Variants in DAB1 observed in about 807,000 individuals in gnomAD.
The protein encoded by DAB1 is disabled homolog 1.
DAB1 carries 15 observed loss-of-function variants against 64.6 expected under a neutral mutation model. The observed-to-expected ratio is 0.23, with a 90% CI of 0.16 to 0.36. DAB1 has a LOEUF of 0.36. DAB1 is among the 10% of genes least tolerant of loss of function. The pLI is 1.00. For synonymous variants in DAB1, 235 were observed against 251.9 expected, an observed-to-expected ratio of 0.93 and a Z score of 0.64; for missense variants, 596 against 706.7, an observed-to-expected ratio of 0.84 and a Z score of 1.78.
At chr1:57,035,183 C>T (rs949915552) in intron 9 of DAB1, among the ~76,000 whole-genome samples, 1 of 152,158 alleles carries the variant, frequency 6.6e-6, no homozygotes, top group Non-Finnish European at 1.5e-5. Context: ...GGTTATGTCG[C>T]TACATCCTTT....
chr1:57,669,880 C>T (rs1040574649), intron 6 of DAB1, among the ~76,000 whole-genome samples: 1 of 152,072 alleles, frequency 6.6e-6, no homozygotes, highest in African/African-American at 2.4e-5. Flanking sequence ...GAAGAATCTG[C>T]TGTTGAGTTA....
chr1:57,805,707 G>A (rs1651329945), intron 6 of DAB1, among the ~76,000 whole-genome samples: 2 of 152,038 alleles, frequency 1.3e-5, no homozygotes, highest in African/African-American at 4.8e-5. Flanking sequence ...CACTTAACAT[G>A]CCCATGACTG....
chr1:57,146,172 T>G (rs921613844), intron 2 of DAB1, among the ~76,000 whole-genome samples: 1 of 152,212 alleles, frequency 6.6e-6, no homozygotes, highest in African/African-American at 2.4e-5. Context: ...ATGCCAGATG[T>G]TCTGTAAACT....
intron 1 of DAB1, among the ~76,000 whole-genome samples, chr1:57,881,134 T>C (rs903236032): frequency 6.6e-6 from 1 of 152,174 alleles, no homozygotes; most frequent in Admixed American, 6.5e-5. Context: ...TAAATTAGAC[T>C]GTGCACATGA....
At chr1:57,514,384 G>C (rs1016117827) in intron 7 of DAB1, among the ~76,000 whole-genome samples, 7 of 152,296 alleles carry the variant, frequency 4.6e-5, no homozygotes, top group African/African-American at 1.7e-4. Context: ...ACAGGTGTGA[G>C]TTGATATCTC....
chr1:58,421,811 T>C (rs1009601592), intron 3 of DAB1, among the ~76,000 whole-genome samples: 4 of 152,178 alleles, frequency 2.6e-5, no homozygotes, highest in African/African-American at 9.7e-5. Flanking sequence ...GAGAGCGGTC[T>C]TCTCAGATTT....
intron 1 of DAB1, chr1:58,538,985 A>C (rs368172844): frequency 2.3e-6 from 2 of 872,842 alleles, no homozygotes; most frequent in Non-Finnish European, 4.0e-6. Context: ...TGTCTTGAAA[A>C]AGCATCATTC....
At chr1:57,922,706 C>T (rs1252189604) in intron 5 of DAB1, among the ~76,000 whole-genome samples, 4 of 151,576 alleles carry the variant, frequency 2.6e-5, no homozygotes, top group Non-Finnish European at 5.9e-5. Context: ...AATAGCTGGG[C>T]GTGCTGGCTG....
chr1:58,509,051 T>C (rs577428289), intron 2 of DAB1, among the ~76,000 whole-genome samples: 1 of 152,222 alleles, frequency 6.6e-6, no homozygotes, highest in South Asian at 2.1e-4. Flanking sequence ...GTTCTGGGAA[T>C]CTCTGCTGTG....
At chr1:57,983,361 T>A (rs542218347) in intron 5 of DAB1, among the ~76,000 whole-genome samples, 9 of 152,266 alleles carry the variant, frequency 5.9e-5, no homozygotes, top group African/African-American at 2.2e-4. Context: ...ATCACCCTTA[T>A]TTAAAGTCAC....
intron 5 of DAB1, among the ~76,000 whole-genome samples, chr1:58,124,515 T>G (rs1041018085): frequency 6.6e-6 from 1 of 152,200 alleles, no homozygotes. Context: ...CTGATCTACC[T>G]AAATAATATT....
At chr1:57,893,941 C>A (rs528980399) in intron 5 of DAB1, among the ~76,000 whole-genome samples, 1 of 152,110 alleles carries the variant, frequency 6.6e-6, no homozygotes, top group Non-Finnish European at 1.5e-5. Flanking sequence ...AACTTGTATA[C>A]AGCCTCCTAG....
rs559062828 is a variant in DAB1, at chr1:57,487,081, G to A, written n.625+162511C>T. ...AAGCAATCAAACACAGGTTTCCTGGGCAGGGACACAGAAGAGCAAGCCAGA... is the reference window on the plus strand; with the variant it reads ...AAGCAATCAAACACAGGTTTCCTGGACAGGGACACAGAAGAGCAAGCCAGA... On this transcript the variant is annotated intron_variant and non_coding_transcript_variant, in intron 7 of 20. Coordinates refer to the DAB1 transcript ENST00000485760. Among the ~76,000 whole-genome samples the A allele has an allele frequency of 5.3e-5, 8 of 152,282 alleles. No homozygotes were observed. The South Asian group carries it at 1.2e-3, about 24-fold the overall frequency.
chr1:57,829,489 A>C (rs1339300695), intron 1 of DAB1, among the ~76,000 whole-genome samples: 2 of 152,240 alleles, frequency 1.3e-5, no homozygotes, highest in Admixed American at 6.5e-5. Context: ...AAGATAATGC[A>C]CAAGATGCTT....
intron 6 of DAB1, among the ~76,000 whole-genome samples, chr1:57,680,635 C>T (rs1011752282): frequency 2.6e-5 from 4 of 152,182 alleles, no homozygotes; most frequent in Admixed American, 6.5e-5. Flanking sequence ...CTCCCCTCTT[C>T]CACTTTTAAG....
chr1:58,495,790 T>C (rs997089487), intron 3 of DAB1, among the ~76,000 whole-genome samples: 4 of 152,176 alleles, frequency 2.6e-5, no homozygotes, highest in Admixed American at 1.3e-4. Flanking sequence ...TCCAAAACTC[T>C]TACACTTCCT....
intron 7 of DAB1, among the ~76,000 whole-genome samples, chr1:57,590,169 C>A (rs1443520099): frequency 1.3e-5 from 2 of 152,138 alleles, no homozygotes; most frequent in Non-Finnish European, 2.9e-5. Flanking sequence ...GATGGCAACC[C>A]TTTTGCTGCC....
intron 1 of DAB1, among the ~76,000 whole-genome samples, chr1:57,827,489 A>G (rs747132288): frequency 6.6e-6 from 1 of 152,234 alleles, no homozygotes; most frequent in Non-Finnish European, 1.5e-5. Context: ...ATTCAAGATG[A>G]GAATAATAAT....
At chr1:58,260,125 G>A (rs577517023) in intron 4 of DAB1, among the ~76,000 whole-genome samples, 1 of 152,234 alleles carries the variant, frequency 6.6e-6, no homozygotes, top group African/African-American at 2.4e-5. Context: ...ATACAGAAGG[G>A]AAATTCCCTG....
Sources: gnomAD v4.1 joint callset for allele counts (sites outside exome capture counted in the v4.1 genomes callset) on GRCh38, gnomAD v4.1.1 for gene constraint, MANE v1.5 for transcripts, NCBI Gene and HGNC (gene_info 2026-07-23, HGNC 2026-07-21) for gene names.